The following ABCC1 variants were observed in gnomAD, a reference collection of about 807,000 sequenced individuals.
ABCC1 encodes the protein multidrug resistance-associated protein 1.
ABCC1 carries 83 observed loss-of-function variants against 172.9 expected under a neutral mutation model. The ratio of observed to expected loss-of-function variants is 0.48; its 90% CI spans 0.40 to 0.58. The LOEUF (loss-of-function observed/expected upper bound fraction) is 0.58. Among genes scored for constraint, ABCC1 ranks in the 20% least tolerant of loss-of-function variants. ABCC1 has a pLI of 0.00. For synonymous variants in ABCC1, 937 were observed against 825.2 expected, an observed-to-expected ratio of 1.14 and a Z score of -2.32; for missense variants, 1,817 against 2,002.7, an observed-to-expected ratio of 0.91 and a Z score of 1.77.
intron 5 of ABCC1, among the ~76,000 whole-genome samples, chr16:16,019,541 C>T (rs1045824889): frequency 6.4e-4 from 97 of 152,302 alleles, no homozygotes; most frequent in African/African-American, 2.2e-3. Context: ...ACCCATCAAG[C>T]TTCCTCTGGG....
chr16:16,125,985 C>T, intron 26 of ABCC1, 74 bp downstream of exon 26: 1 of 1,089,934 alleles, frequency 9.2e-7, no homozygotes, highest in Non-Finnish European at 1.3e-6. Flanking sequence ...TGGACCCTAT[C>T]CTGTGCACCT....
At chr16:16,025,474 G>C (rs1323184216) in intron 5 of ABCC1, among the ~76,000 whole-genome samples, 1 of 152,228 alleles carries the variant, frequency 6.6e-6, no homozygotes, top group Non-Finnish European at 1.5e-5. Flanking sequence ...CTGCGTTTGA[G>C]GATCACTGCT....
chr16:16,042,293 T>G (rs1293688084), intron 7 of ABCC1, among the ~76,000 whole-genome samples: 1 of 152,028 alleles, frequency 6.6e-6, no homozygotes, highest in East Asian at 1.9e-4. Flanking sequence ...ACAGGAATGT[T>G]CTTAGCTACT....
chr16:16,104,815 C>G (rs1002736358), intron 20 of ABCC1, among the ~76,000 whole-genome samples: 1 of 152,288 alleles, frequency 6.6e-6, no homozygotes, highest in East Asian at 1.9e-4. Flanking sequence ...AGCCCTGCCC[C>G]GCGGGGAGGC....
At chr16:16,104,099 G>A (rs1283502543) in intron 20 of ABCC1, among the ~76,000 whole-genome samples, 1 of 152,114 alleles carries the variant, frequency 6.6e-6, no homozygotes, top group Non-Finnish European at 1.5e-5. Flanking sequence ...CAGGAGTGAA[G>A]CTGTAGACCT....
intron 17 of ABCC1, among the ~76,000 whole-genome samples, chr16:16,086,405 C>T (rs556557304): frequency 6.6e-6 from 1 of 152,322 alleles, no homozygotes; most frequent in East Asian, 1.9e-4. Flanking sequence ...TGCAGCTCTG[C>T]AGGGCCTTCA....
At chr16:16,067,120 T>C (rs1422727544) in intron 12 of ABCC1, among the ~76,000 whole-genome samples, 4 of 151,996 alleles carry the variant, frequency 2.6e-5, no homozygotes. Flanking sequence ...CATGGTGGTA[T>C]GCGCCTGTAG....
At chr16:16,072,630 C>T (rs1182551754) in intron 14 of ABCC1, among the ~76,000 whole-genome samples, 6 of 152,034 alleles carry the variant, frequency 3.9e-5, no homozygotes, top group African/African-American at 1.4e-4. Context: ...AGCCACTGCA[C>T]CTGGCCATGC....
At chr16:16,032,991 A>G in intron 5 of ABCC1, 118 bp from the exon 6 acceptor site, 1 of 948,538 alleles carries the variant, frequency 1.1e-6, no homozygotes, top group Non-Finnish European at 1.7e-6. Context: ...TGTGGAGCTG[A>G]CGCTAGTCCT....
At chr16:15,982,435 G>T (rs937974546) in intron 1 of ABCC1, among the ~76,000 whole-genome samples, 1 of 151,968 alleles carries the variant, frequency 6.6e-6, no homozygotes, top group Non-Finnish European at 1.5e-5. Flanking sequence ...AAGGAGAAGT[G>T]CTGAGCAAAA....
intron 17 of ABCC1, among the ~76,000 whole-genome samples, chr16:16,086,279 C>T (rs1440485134): frequency 6.6e-6 from 1 of 152,186 alleles, no homozygotes; most frequent in Non-Finnish European, 1.5e-5. Flanking sequence ...ACAGGTGGGG[C>T]TAAACCCTGT....
At chr16:16,020,946 G>A (rs909148935) in intron 5 of ABCC1, among the ~76,000 whole-genome samples, 1 of 152,168 alleles carries the variant, frequency 6.6e-6, no homozygotes, top group Non-Finnish European at 1.5e-5. Flanking sequence ...ACTGGCTGTT[G>A]TGCACAATCA....
intron 1 of ABCC1, among the ~76,000 whole-genome samples, chr16:15,958,586 TTGATGATCAG>T (rs1162713556): frequency 8.5e-5 from 13 of 152,176 alleles, no homozygotes; most frequent in African/African-American, 3.1e-4. Flanking sequence ...AGGCCTAGCT[TTGATGATCAG>T]CTCTTAGTGT....
chr16:16,016,445 C>T (rs1458417807), intron 4 of ABCC1, 51 bp from the exon 5 acceptor site: 1 of 1,608,294 alleles, frequency 6.2e-7, no homozygotes, highest in Non-Finnish European at 8.5e-7. Flanking sequence ...TGAGCCACCA[C>T]ACCCAGCCCC....
rs190008742 is a variant in ABCC1, at chr16:16,078,176, C to T, written c.1989-1176C>T. Among the ~76,000 whole-genome samples the T allele has an allele frequency of 1.8e-4, 28 of 152,090 alleles. No homozygotes were observed. In the East Asian group the frequency reaches 5.0e-3, roughly 27 times the overall value. ...CTTGTCTCAAAAAAATAAATAAATACTTAAGTAACTAAATACAGATAAATA... is the reference window on the plus strand; with the variant it reads ...CTTGTCTCAAAAAAATAAATAAATATTTAAGTAACTAAATACAGATAAATA... On this transcript the variant is annotated intron_variant, in intron 15 of 30. Coordinates refer to ENST00000399410, the MANE Select transcript of ABCC1 (RefSeq NM_004996.4).
chr16:16,003,015 C>T (rs2047374029), intron 1 of ABCC1, among the ~76,000 whole-genome samples: 1 of 152,070 alleles, frequency 6.6e-6, no homozygotes, highest in African/African-American at 2.4e-5. Flanking sequence ...AGTTTTAGCA[C>T]ACAAATATAT....
intron 1 of ABCC1, among the ~76,000 whole-genome samples, chr16:16,000,278 C>G (rs1476752839): frequency 6.6e-6 from 1 of 151,638 alleles, no homozygotes; most frequent in African/African-American, 2.4e-5. Flanking sequence ...CACTGAGTAG[C>G]TGGGATTATA....
At chr16:16,125,289 T>C (rs540957689) in intron 25 of ABCC1, among the ~76,000 whole-genome samples, 10 of 152,330 alleles carry the variant, frequency 6.6e-5, no homozygotes, top group African/African-American at 2.2e-4. Flanking sequence ...TTTCTTATTA[T>C]GTGGCCCATG....
At chr16:16,120,526 G>A (rs528196515) in intron 23 of ABCC1, among the ~76,000 whole-genome samples, 10 of 152,280 alleles carry the variant, frequency 6.6e-5, no homozygotes, top group Non-Finnish European at 1.5e-4. Context: ...GCATCTGCCC[G>A]CGAGGGTGGG....
Sources: allele counts gnomAD v4.1 joint callset (sites outside exome capture counted in the v4.1 genomes callset), GRCh38; gene constraint gnomAD v4.1.1; transcripts MANE v1.5; gene names NCBI Gene and HGNC (gene_info 2026-07-23, HGNC 2026-07-21).